Variants in ABCB1 observed in about 807,000 individuals in gnomAD.
ABCB1 encodes ATP binding cassette subfamily B member 1, also known as ATP-dependent translocase ABCB1.
ABCB1 carries 69 observed loss-of-function variants against 142.0 expected under a neutral mutation model. The ratio of observed to expected loss-of-function variants is 0.49; its 90% CI spans 0.40 to 0.59. The LOEUF (loss-of-function observed/expected upper bound fraction) is 0.59, where lower values mean the gene tolerates loss of function less well. Ranked by LOEUF, ABCB1 falls within the 20% of genes least tolerant of loss-of-function variation. The pLI, the probability that ABCB1 is intolerant of heterozygous loss-of-function variation, is 0.00. For missense variants in ABCB1, 1,326 were observed against 1,554.7 expected (o/e 0.85, Z 2.47); for synonymous variants, 532 against 539.2 (o/e 0.99, Z 0.18).
At chr7:87,524,255 G>C (rs1815675954) in intron 21 of ABCB1, among the ~76,000 whole-genome samples, 1 of 151,992 alleles carries the variant, frequency 6.6e-6, no homozygotes, top group Non-Finnish European at 1.5e-5. Context: ...CAAGAAGATT[G>C]AATTATGTTT....
intron 21 of ABCB1, chr7:87,522,279 T>C: frequency 2.4e-6 from 2 of 840,926 alleles, no homozygotes. Context: ...TTTGGACCCA[T>C]GAAGGGAGGA....
intron 4 of ABCB1, among the ~76,000 whole-genome samples, chr7:87,575,152 T>C (rs1290500316): frequency 1.3e-5 from 2 of 152,206 alleles, no homozygotes; most frequent in South Asian, 2.1e-4. Flanking sequence ...GACTGTACCA[T>C]TTAGGGATTT....
At chr7:87,585,784 T>A in intron 3 of ABCB1, 104 bp from the exon 4 acceptor site, 2 of 1,192,616 alleles carry the variant, frequency 1.7e-6, no homozygotes, top group Non-Finnish European at 2.4e-6. Context: ...TTTTTCAGAC[T>A]ACTACTGATA....
At chr7:87,680,065 C>T (rs1175986370) in intron 1 of ABCB1, among the ~76,000 whole-genome samples, 1 of 150,364 alleles carries the variant, frequency 6.7e-6, no homozygotes, top group Non-Finnish European at 1.5e-5. Flanking sequence ...TATGACGTTC[C>T]CCACCCTGTG....
intron 21 of ABCB1, among the ~76,000 whole-genome samples, chr7:87,523,256 G>GCAC (rs1477217739): frequency 6.6e-6 from 1 of 152,066 alleles, no homozygotes; most frequent in African/African-American, 2.4e-5. Flanking sequence ...AAGACTACAA[G>GCAC]CACATGGCAC....
chr7:87,592,779 G>A (rs1819046034), intron 3 of ABCB1, among the ~76,000 whole-genome samples: 1 of 152,054 alleles, frequency 6.6e-6, no homozygotes, highest in African/African-American at 2.4e-5. Context: ...AATAAACATA[G>A]GGTATTTAAC....
intron 1 of ABCB1, among the ~76,000 whole-genome samples, chr7:87,614,320 C>T (rs550990674): frequency 6.6e-6 from 1 of 151,790 alleles, no homozygotes; most frequent in African/African-American, 2.4e-5. Flanking sequence ...TTACTTAAGC[C>T]CAGAAATTTG....
intron 3 of ABCB1, among the ~76,000 whole-genome samples, chr7:87,589,805 G>GGAGAGAGGAGAGAGAGAGAGAGA (rs1818912699): frequency 9.5e-6 from 1 of 105,366 alleles, no homozygotes; most frequent in Non-Finnish European, 1.7e-5. Flanking sequence ...GAGAGAGAGA[G>GGAGAGAGGAGAGAGAGAGAGAGA]GAGAGAGAGA....
rs977023788 is a variant in ABCB1, at chr7:87,546,168, G to A, written c.1726-144C>T. 1.4e-5 allele frequency: 10 copies of A among 728,784 alleles called. No homozygotes were observed. The African/African-American group carries it at 1.4e-4, about 10-fold the overall frequency. The allele number at this position is 728,784 out of a possible 1,614,324, so 45.1% of individuals were successfully genotyped here. ...AAGATAGCCTCTGACTTCAATAAAT[G>A]TATAGACAATTGATAATAGTTAAAA... On this transcript the variant is annotated intron_variant, in intron 14 of 27. Transcript: ENST00000622132.
intron 1 of ABCB1, among the ~76,000 whole-genome samples, chr7:87,625,126 A>G (rs1327567635): frequency 2.0e-5 from 3 of 152,176 alleles, no homozygotes; most frequent in South Asian, 2.1e-4. Flanking sequence ...GCGTGGTGGC[A>G]GGCGCCTGTA....
chr7:87,517,160 C>T (rs1481052876), intron 23 of ABCB1, among the ~76,000 whole-genome samples: 1 of 152,090 alleles, frequency 6.6e-6, no homozygotes, highest in Non-Finnish European at 1.5e-5. Context: ...TGCAAAATGG[C>T]CCATTTTTTT....
rs988882272 is a variant in ABCB1, at chr7:87,516,721, G to T, written c.2928-56C>A. The stretch of plus-strand genomic sequence containing the variant: ...AGCATTACCATCACAATGCTAGAAA[G>T]CTGACACTCCTTTTTTTTTTTTTTT... On this transcript the variant is annotated intron_variant, in intron 23 of 27. Coordinates refer to ENST00000622132, the MANE Select transcript of ABCB1 (RefSeq NM_001348946.2). The T allele has an allele frequency of 7.1e-5, 78 of 1,103,596 alleles. No homozygotes were observed. The African/African-American group carries it at 1.7e-3, about 23-fold the overall frequency. 68.4% of individuals were successfully genotyped at this position (1,103,596 alleles called of 1,614,324 possible). A position where few individuals can be genotyped will look rare whatever the true frequency, so the allele number is the denominator to read the frequency against.
intron 1 of ABCB1, among the ~76,000 whole-genome samples, chr7:87,618,138 T>C (rs868350957): frequency 6.6e-6 from 1 of 152,214 alleles, no homozygotes; most frequent in Non-Finnish European, 1.5e-5. Flanking sequence ...GGGGGCCCTG[T>C]TGACATTATC....
At chr7:87,702,155 A>AC (rs1829127137) in intron 1 of ABCB1, among the ~76,000 whole-genome samples, 1 of 148,702 alleles carries the variant, frequency 6.7e-6, no homozygotes, top group Non-Finnish European at 1.5e-5. Context: ...AAAAAAAAAA[A>AC]AAAAAAAAAA....
chr7:87,699,517 C>T (rs1828819662), intron 1 of ABCB1, among the ~76,000 whole-genome samples: 1 of 152,160 alleles, frequency 6.6e-6, no homozygotes, highest in South Asian at 2.1e-4. Context: ...GATCCTCCTG[C>T]CTCAGCCTCT....
Position 87,539,298 on chromosome 7 carries a change from T to A in ABCB1, c.2367A>T (p.Arg789=). ...TGAGCATGGATCGGAAAACCATGTA[T>A]CGGAGCCGCTTGGTGAGGATCTCTC... ...KAGEILTKRL[R]YMVFRSMLRQ... Residue 789 remains arginine, a synonymous_variant, in exon 19 of 28, where the codon CGA becomes CGT. Transcript: ENST00000622132. 1 of 1,614,156 alleles carries A rather than the reference T, an allele frequency of 6.2e-7. No homozygotes were observed. Among genetic ancestry groups the A allele is most frequent in the Non-Finnish European group, 8.5e-7 (1 of 1,180,000 alleles).
At chr7:87,550,935 T>C (rs1817037660) in intron 9 of ABCB1, 97 bp from the exon 10 acceptor site, 2 of 769,096 alleles carry the variant, frequency 2.6e-6, no homozygotes, top group Non-Finnish European at 4.6e-6. Flanking sequence ...GTAATTAAAA[T>C]TTAAAATGGC....
intron 21 of ABCB1, chr7:87,522,347 C>T (rs574322599): frequency 1.4e-6 from 1 of 731,990 alleles, no homozygotes; most frequent in African/African-American, 1.7e-5. Context: ...CTTTGCCAAA[C>T]CATGAAACCA....
intron 1 of ABCB1, among the ~76,000 whole-genome samples, chr7:87,653,664 T>C (rs1823802225): frequency 6.6e-6 from 1 of 152,116 alleles, no homozygotes; most frequent in South Asian, 2.1e-4. Flanking sequence ...TACTTTTTTT[T>C]CAAATGCGAG....
Sources: gnomAD v4.1 joint callset for allele counts (sites outside exome capture counted in the v4.1 genomes callset) on GRCh38, gnomAD v4.1.1 for gene constraint, MANE v1.5 for transcripts, NCBI Gene and HGNC (gene_info 2026-07-23, HGNC 2026-07-21) for gene names.